HNRNPU: variants seen among roughly 807,000 people sequenced by gnomAD.
The protein encoded by HNRNPU is HNRNPU antisense RNA 1.
A neutral mutation model predicts 94.7 loss-of-function variants in HNRNPU; 5 were observed. The ratio of observed to expected loss-of-function variants is 0.05; its 90% CI spans 0.03 to 0.11. The LOEUF is 0.11. Ranked by LOEUF, HNRNPU falls within the 10% of genes least tolerant of loss-of-function variation. The pLI is 1.00. For missense variants in HNRNPU, 710 were observed against 1,049.2 expected (o/e 0.68, Z 4.47); for synonymous variants, 434 against 381.6 (o/e 1.14, Z -1.60).
At chr1:244,855,630 A>C in intron 11 of HNRNPU, 22 bp from the exon 12 acceptor site, 1 of 1,612,666 alleles carries the variant, frequency 6.2e-7, no homozygotes, top group Non-Finnish European at 8.5e-7. Flanking sequence ...GAGCTGTTTT[A>C]GTTTCATTGT....
intron 8 of HNRNPU, chr1:244,857,248 T>A (rs1413572166): frequency 2.7e-4 from 31 of 114,242 alleles, no homozygotes; most frequent in Non-Finnish European, 3.8e-5. Flanking sequence ...TTTTCTTTTC[T>A]TTTTTTTTTT....
Position 244,859,317 on chromosome 1 carries a change from C to T in HNRNPU, c.1075G>A (p.Val359Ile). Reference protein sequence around the residue: ...LYTKDIDIHEVRIGWSLTTSG... With the variant: ...LYTKDIDIHEIRIGWSLTTSG... ...GTAGTTAGTGACCAGCCAATACGAA[C>T]TTCATGTATGTCAATATCTTTTGTA... Residue 359 changes from valine to isoleucine, a missense_variant, in exon 5 of 14, where the codon GTT becomes ATT. Transcript: ENST00000640218. 1 of 1,602,174 alleles carries T rather than the reference C, an allele frequency of 6.2e-7. No individual in the cohort carries two copies. The highest frequency in any genetic ancestry group is 8.6e-7 in the Non-Finnish European group (1 of 1,169,490).
intron 1 of HNRNPU, among the ~76,000 whole-genome samples, 187 bp downstream of exon 1, chr1:244,863,430 G>GCA (rs915769377): frequency 5.4e-5 from 8 of 149,198 alleles, no homozygotes; most frequent in African/African-American, 1.2e-4. Flanking sequence ...ACGCGCGCGC[G>GCA]CACACACACG....
At chr1:244,854,899 C>A in intron 13 of HNRNPU, 74 bp downstream of exon 13, 1 of 1,201,380 alleles carries the variant, frequency 8.3e-7, no homozygotes, top group African/African-American at 1.5e-5. Flanking sequence ...TGAACAAGAT[C>A]TTTTTCAAGA....
At chr1:244,861,914 G>A (rs893670118) in intron 3 of HNRNPU, 1 of 153,044 alleles carries the variant, frequency 6.5e-6, no homozygotes, top group Middle Eastern at 3.4e-3. Context: ...ATAGCCCACT[G>A]CTGCTGCCTC....
Position 244,862,682 on chromosome 1 carries a change from T to C in HNRNPU, c.740A>G (p.Lys247Arg), listed in dbSNP as rs780791316. ...QKGGDKKRGV[K>R]RPREDHGRGY... ...ACGGCCATGATCTTCTCGTGGTCTT[T>C]TAACACCCCTCTTTTTATCTCCGCC... Residue 247 changes from lysine to arginine, a missense_variant, in exon 2 of 14, where the codon AAA becomes AGA. Physicochemically the swap from Lys to Arg is conservative, Grantham distance 26. Coordinates refer to ENST00000640218, the MANE Select transcript of HNRNPU (RefSeq NM_031844.3). The C allele has an allele frequency of 6.2e-7, 1 of 1,614,224 alleles. No individual in the cohort carries two copies. The highest frequency in any genetic ancestry group is 8.5e-7 in the Non-Finnish European group (1 of 1,180,034).
In HNRNPU at chr1:244,863,815, G is replaced by A. The variant is rs1680924718; in HGVS notation, c.493C>T (p.Pro165Ser). The change falls in exon 1 of 14, where the codon CCG becomes TCG. Residue 165 changes from proline to serine, a missense_variant. Transcript: ENST00000640218. ...ENGHGEQQPQ[P>S]PATQQQQPQQ... is the part of the protein sequence containing the mutation. ...GGCTGTTGCTGCTGCGTCGCCGGCG[G>A]TTGAGGCTGCTGCTCCCCGTGCCCG... 1 of 1,608,756 alleles carries A rather than the reference G, an allele frequency of 6.2e-7. No homozygotes were observed. The highest frequency in any genetic ancestry group is 8.5e-7 in the Non-Finnish European group (1 of 1,178,022).
rs781659437 is a variant in HNRNPU at position 244,863,869 on chromosome 1, C to A, written c.439G>T (p.Asp147Tyr). The change falls in exon 1 of 14, where the codon GAC becomes TAC. Residue 147 changes from aspartate (D) to tyrosine (Y), a missense_variant. Asp to Tyr is a radical substitution (Grantham distance 160). This residue lies in a region of HNRNPU where 292 missense variants were observed against 293.4 expected (regional missense o/e 1.00). Transcript: ENST00000640218. ...TCGTCGCCCGCGCCTTCCTCTTCGT[C>A]CCCGAGCTCATCTTCCCCTTCCTGG... is the stretch of plus-strand genomic sequence containing the variant. ...GFQEGEDELG[D>Y]EEEGAGDENG... 2.5e-6 allele frequency: 4 copies of A among 1,613,704 alleles called. No individual in the cohort carries two copies. The highest frequency in any genetic ancestry group is 3.4e-6 in the Non-Finnish European group (4 of 1,179,874).
intron 13 of HNRNPU, 196 bp downstream of exon 13, chr1:244,854,777 A>G (rs1204772257): frequency 3.0e-5 from 15 of 506,528 alleles, no homozygotes; most frequent in Non-Finnish European, 3.4e-6. Context: ...TATTAAAAAA[A>G]TTTAACTTAT....
At chr1:244,857,368 TC>T in intron 8 of HNRNPU, 1 of 400,872 alleles carries the variant, frequency 2.5e-6, no homozygotes, top group South Asian at 3.9e-5. Flanking sequence ...TGCCTCAACC[TC>T]CCGAGCAGCT....
At chr1:244,858,882 T>C (rs2102987222) in intron 5 of HNRNPU, 41 bp from the exon 6 acceptor site, 2 of 959,144 alleles carry the variant, frequency 2.1e-6, no homozygotes, top group Middle Eastern at 2.3e-4. Flanking sequence ...ATGTTTAAAA[T>C]AGTCCAAAGA....
At position 244,850,574 on chromosome 1, in the gene HNRNPU, TGTATTA is replaced by T. The variant is rs1276613102; in HGVS notation, c.*3870_*3875del. The T allele has an allele frequency of 6.6e-6, 1 of 150,436 alleles. No individual in the cohort carries two copies. Among genetic ancestry groups the T allele is most frequent in the Non-Finnish European group, 1.5e-5 (1 of 67,856 alleles). The allele number at this position is 150,436 out of a possible 1,614,324, so 9.3% of individuals were successfully genotyped here. On this transcript the variant is annotated 3_prime_UTR_variant, in exon 14 of 14. Coordinates refer to ENST00000640218, the MANE Select transcript of HNRNPU (RefSeq NM_031844.3). ...ACAATTCGAAGAGACTTGTGGTTTA[TGTATTA>T]GTAATTCAAATTACTGTTTTAGAGA...
intron 4 of HNRNPU, chr1:244,859,995 A>G (rs1406433056): frequency 5.0e-6 from 1 of 200,544 alleles, no homozygotes; most frequent in African/African-American, 2.3e-5. Context: ...AGACCTTGTC[A>G]CTATTTTAAA....
At position 244,851,906 on chromosome 1, in the gene HNRNPU, G is replaced by C. The variant is rs1430775578; in HGVS notation, c.*2544C>G. 6.6e-6 allele frequency: 1 copy of C among 152,210 alleles called. No individual in the cohort carries two copies. The highest frequency in any genetic ancestry group is 2.4e-5 in the African/African-American group (1 of 41,508). The allele number at this position is 152,210 out of a possible 1,614,324, so 9.4% of individuals were successfully genotyped here. On this transcript the variant is annotated 3_prime_UTR_variant, in exon 14 of 14. Coordinates refer to ENST00000640218, the MANE Select transcript of HNRNPU (RefSeq NM_031844.3). ...TTTTCTCAAATTCTATGCTGTTTTT[G>C]TACTACTGCAGCTGACCAATCCAAA...
intron 11 of HNRNPU, 44 bp from the exon 12 acceptor site, chr1:244,855,652 T>A: frequency 6.4e-7 from 1 of 1,570,644 alleles, no homozygotes; most frequent in Non-Finnish European, 8.7e-7. Context: ...TATTGTACCC[T>A]ACTTATACAG....
intron 3 of HNRNPU, chr1:244,862,218 A>G (rs1680850050): frequency 2.5e-6 from 1 of 403,188 alleles, no homozygotes. Context: ...ACATTTCCTA[A>G]GAATGAGAAC....
intron 4 of HNRNPU, 155 bp downstream of exon 4, chr1:244,860,180 G>A (rs1034698883): frequency 6.7e-6 from 4 of 593,456 alleles, no homozygotes; most frequent in Admixed American, 3.4e-5. Context: ...TGTGCCTCTA[G>A]TCCGAGCTAC....
rs1553282322 is a variant in HNRNPU at position 244,856,501 on chromosome 1, ACTT to A, written c.1865_1867del (p.Glu622del). Reference sequence around the variant, plus strand: ...ATGTTCTGGTAGGTCTTTCCCCTCTACTTCTGCTTTCTTCTGTGTTCTTTGCTT... The same window carrying A: ...ATGTTCTGGTAGGTCTTTCCCCTCTACTGCTTTCTTCTGTGTTCTTTGCTT... On this transcript the variant is annotated inframe_deletion, in exon 10 of 14. Coordinates refer to ENST00000640218, the MANE Select transcript of HNRNPU (RefSeq NM_031844.3). The A allele has an allele frequency of 1.2e-6, 2 of 1,613,888 alleles. No homozygotes were observed. The highest frequency in any genetic ancestry group is 1.3e-5 in the African/African-American group (1 of 75,004).
chr1:244,852,906 A>G lies in HNRNPU; in HGVS notation c.*1544T>C, dbSNP rs1487526684. ...CTCACTTCACATTGGTGAGGGGAAG[A>G]TTAAAGTGTTCTGTGCAAACCCAAT... On this transcript the variant is annotated 3_prime_UTR_variant, in exon 14 of 14. Coordinates refer to ENST00000640218, the MANE Select transcript of HNRNPU (RefSeq NM_031844.3). 1 of 152,604 alleles carries G rather than the reference A, an allele frequency of 6.6e-6. No homozygotes were observed. The highest frequency in any genetic ancestry group is 2.4e-5 in the African/African-American group (1 of 41,444). The allele number at this position is 152,604 out of a possible 1,614,324, so 9.5% of individuals were successfully genotyped here.
Sources: allele counts gnomAD v4.1 joint callset (sites outside exome capture counted in the v4.1 genomes callset), GRCh38; gene constraint gnomAD v4.1.1; regional missense constraint gnomAD v4.1.1; transcripts MANE v1.5; gene names NCBI Gene and HGNC (gene_info 2026-07-23, HGNC 2026-07-21).